CNTNAP2: variants seen among roughly 807,000 people sequenced by gnomAD.
CNTNAP2 encodes the protein contactin associated protein 2.
A neutral mutation model predicts 155.2 loss-of-function variants in CNTNAP2; 98 were observed. The observed-to-expected ratio is 0.63, with a 90% confidence interval of 0.54 to 0.75. The LOEUF is 0.75. Among genes scored for constraint, CNTNAP2 ranks in the 30% least tolerant of loss-of-function variants. The pLI is 0.00. For missense variants in CNTNAP2, 1,727 were observed against 1,688.1 expected (o/e 1.02, Z -0.40); for synonymous variants, 651 against 631.2 (o/e 1.03, Z -0.47).
chr7:146,565,148 T>TAC (rs150089642), intron 1 of CNTNAP2, among the ~76,000 whole-genome samples: 98 of 150,180 alleles, frequency 6.5e-4, no homozygotes, highest in South Asian at 3.6e-3. Context: ...CACACACACA[T>TAC]ACACACACAC....
At chr7:146,430,872 T>G (rs1796163502) in intron 1 of CNTNAP2, among the ~76,000 whole-genome samples, 1 of 152,052 alleles carries the variant, frequency 6.6e-6, no homozygotes. Flanking sequence ...TACAGTTCAA[T>G]TAACATAATT....
chr7:148,262,296 G>A (rs1230406960), intron 20 of CNTNAP2, among the ~76,000 whole-genome samples: 1 of 152,178 alleles, frequency 6.6e-6, no homozygotes, highest in Non-Finnish European at 1.5e-5. Flanking sequence ...CCGGGAGAAA[G>A]AGATGTTTTG....
chr7:146,310,937 A>G (rs1299075154), intron 1 of CNTNAP2, among the ~76,000 whole-genome samples: 3 of 152,224 alleles, frequency 2.0e-5, no homozygotes, highest in Non-Finnish European at 2.9e-5. Flanking sequence ...AGTTACCTCT[A>G]TTGACTATTA....
chr7:147,802,984 A>G (rs908614471), intron 13 of CNTNAP2, among the ~76,000 whole-genome samples: 19 of 152,244 alleles, frequency 1.2e-4, no homozygotes, highest in African/African-American at 4.6e-4. Flanking sequence ...TTGAAATGAA[A>G]CCTAATAAAC....
intron 2 of CNTNAP2, among the ~76,000 whole-genome samples, chr7:146,801,414 A>G (rs914732093): frequency 3.9e-5 from 6 of 152,150 alleles, no homozygotes; most frequent in Non-Finnish European, 7.4e-5. Context: ...CCAAACATTT[A>G]TTGAATTTCA....
rs112592442 is a variant in CNTNAP2 at position 147,586,507 on chromosome 7, A to T, written c.1897+24250A>T. Among the ~76,000 whole-genome samples the T allele has an allele frequency of 1.2e-4, 8 of 65,964 alleles. 1 individual carries two copies. The highest frequency in any genetic ancestry group is 6.5e-4 in the African/African-American group (8 of 12,290). The allele number at this position is 65,964 out of a possible 152,430, so 43.3% of individuals were successfully genotyped here. On this transcript the variant is annotated intron_variant, in intron 12 of 23. Transcript: ENST00000361727. ...TTTTAGTTTACATAGATACACACAC[A>T]CCCACAGAGAGAGAAGAGGAAGGAA...
At chr7:148,092,184 A>C (rs1047792472) in intron 15 of CNTNAP2, among the ~76,000 whole-genome samples, 7 of 152,216 alleles carry the variant, frequency 4.6e-5, no homozygotes, top group Admixed American at 2.0e-4. Context: ...TTGGGGGAGC[A>C]GGTTTCCTAA....
chr7:147,912,492 C>T, intron 14 of CNTNAP2, among the ~76,000 whole-genome samples: 1 of 152,148 alleles, frequency 6.6e-6, no homozygotes, highest in East Asian at 1.9e-4. Flanking sequence ...GGAGAGGGCC[C>T]CCTACTCAAC....
In CNTNAP2 at chr7:146,622,214, C is replaced by CGT. The variant is rs1427925728; in HGVS notation, c.98-152048_98-152047dup. 7.0e-5 allele frequency among the ~76,000 whole-genome samples: 10 copies of CGT among 143,204 alleles called. No homozygotes were observed. In the East Asian group the frequency reaches 1.8e-3, roughly 26 times the overall value. 93.9% of individuals were successfully genotyped at this position (143,204 alleles called of 152,430 possible). On this transcript the variant is annotated intron_variant, in intron 1 of 23. Transcript: ENST00000361727. ...ATACATATATATACACACATATACACGTGTGTGTGTATATATATATGTGTG... is the reference window on the plus strand; with the variant it reads ...ATACATATATATACACACATATACACGTGTGTGTGTGTATATATATATGTGTG...
chr7:147,456,853 G>C (rs1340379184), intron 10 of CNTNAP2, among the ~76,000 whole-genome samples: 3 of 152,166 alleles, frequency 2.0e-5, no homozygotes, highest in African/African-American at 4.8e-5. Flanking sequence ...TTTGTAGAAA[G>C]AAGTAAATCA....
intron 8 of CNTNAP2, among the ~76,000 whole-genome samples, chr7:147,249,604 T>TAA (rs755601249): frequency 0.01 from 725 of 69,970 alleles, 20 homozygotes; most frequent in African/African-American, 0.018. Flanking sequence ...ACATTGGAGG[T>TAA]AAAAAAAAAA....
At chr7:146,982,782 C>A (rs1278813589) in intron 3 of CNTNAP2, among the ~76,000 whole-genome samples, 1 of 152,044 alleles carries the variant, frequency 6.6e-6, no homozygotes, top group Non-Finnish European at 1.5e-5. Flanking sequence ...CTGCACATGT[C>A]AAAAGGTCCA....
rs1245704814 is a variant in CNTNAP2 at position 148,354,254 on chromosome 7, C to A, written c.3476-29395C>A. 1.4e-4 allele frequency among the ~76,000 whole-genome samples: 19 copies of A among 134,556 alleles called. No homozygotes were observed. In the East Asian group the frequency reaches 3.8e-3, roughly 27 times the overall value. 88.3% of individuals were successfully genotyped at this position (134,556 alleles called of 152,430 possible). Reference sequence around the variant, plus strand: ...GTTAAGCCTGTTGTGCAAATACTAGCATTAAATATTTTGTAGCATATCTTA... The same window carrying A: ...GTTAAGCCTGTTGTGCAAATACTAGAATTAAATATTTTGTAGCATATCTTA... On this transcript the variant is annotated intron_variant, in intron 21 of 23. Transcript: ENST00000361727.
rs544384592 is a variant in CNTNAP2 at position 147,403,198 on chromosome 7, A to G, written c.1670+7418A>G. 1.2e-3 allele frequency among the ~76,000 whole-genome samples: 183 copies of G among 152,232 alleles called. 1 individual carries two copies. The highest frequency in any genetic ancestry group is 1.9e-3 in the Admixed American group (29 of 15,292). On this transcript the variant is annotated intron_variant, in intron 10 of 23. Transcript: ENST00000361727. ...CTTTAAATAATAACTCTTTCAACCAATTGCCAATCGGAAAATATTTAAATC... is the reference window on the plus strand; with the variant it reads ...CTTTAAATAATAACTCTTTCAACCAGTTGCCAATCGGAAAATATTTAAATC...
intron 21 of CNTNAP2, chr7:148,381,679 C>G (rs1267614569): frequency 6.6e-6 from 1 of 152,264 alleles, no homozygotes; most frequent in Non-Finnish European, 1.5e-5. Flanking sequence ...AGCTGGAAAA[C>G]AGGGATGTAA....
At chr7:146,567,719 T>C (rs983058297) in intron 1 of CNTNAP2, among the ~76,000 whole-genome samples, 1 of 152,114 alleles carries the variant, frequency 6.6e-6, no homozygotes, top group Non-Finnish European at 1.5e-5. Flanking sequence ...GATATAATTT[T>C]AACTTAAAAC....
chr7:146,977,830 T>C (rs532442603), intron 3 of CNTNAP2, among the ~76,000 whole-genome samples: 2 of 152,346 alleles, frequency 1.3e-5, no homozygotes, highest in Non-Finnish European at 2.9e-5. Context: ...AAAGCTCAAA[T>C]GAGTAATCCT....
chr7:148,124,924 T>TG (rs1804682513), intron 16 of CNTNAP2, among the ~76,000 whole-genome samples: 1 of 151,752 alleles, frequency 6.6e-6, no homozygotes, highest in South Asian at 2.1e-4. Flanking sequence ...GTTAAAGGAA[T>TG]GGGGAAAAGA....
chr7:147,714,387 A>T (rs1384237170), intron 13 of CNTNAP2, among the ~76,000 whole-genome samples: 2 of 151,938 alleles, frequency 1.3e-5, no homozygotes, highest in East Asian at 3.9e-4. Flanking sequence ...GAGGCAAGGG[A>T]AGTATAGTTG....
Sources: gnomAD v4.1 joint callset for allele counts (sites outside exome capture counted in the v4.1 genomes callset) on GRCh38, gnomAD v4.1.1 for gene constraint, MANE v1.5 for transcripts, NCBI Gene and HGNC (gene_info 2026-07-23, HGNC 2026-07-21) for gene names.